FREM3: variants seen among roughly 807,000 people sequenced by gnomAD.
FREM3 encodes FRAS1 related extracellular matrix 3, also known as FRAS1-related extracellular matrix protein 3.
FREM3 carries 105 observed loss-of-function variants against 129.1 expected under a neutral mutation model. The ratio of observed to expected loss-of-function variants is 0.81; its 90% CI spans 0.69 to 0.96. FREM3 has a LOEUF of 0.96. Ranked by LOEUF, FREM3 falls within the 40% of genes least tolerant of loss-of-function variation. FREM3 has a pLI of 0.00. For missense variants in FREM3, 2,593 were observed against 2,666.3 expected (o/e 0.97, Z 0.61); for synonymous variants, 1,014 against 1,044.9 (o/e 0.97, Z 0.57).
At chr4:143,653,217 AGCCCCTGCTG>A (rs1739543082) in intron 2 of FREM3, among the ~76,000 whole-genome samples, 2 of 152,182 alleles carry the variant, frequency 1.3e-5, no homozygotes, top group Admixed American at 6.5e-5. Context: ...ACTTAGCTAG[AGCCCCTGCTG>A]GGGGTCTCAA....
intron 2 of FREM3, among the ~76,000 whole-genome samples, chr4:143,662,402 G>A (rs1457275545): frequency 3.9e-5 from 6 of 152,210 alleles, no homozygotes; most frequent in Non-Finnish European, 7.3e-5. Flanking sequence ...GTGGTTTTGA[G>A]TGAGTTTCTT....
At chr4:143,594,070 G>C (rs370030585) in intron 6 of FREM3, among the ~76,000 whole-genome samples, 1 of 152,174 alleles carries the variant, frequency 6.6e-6, no homozygotes, top group African/African-American at 2.4e-5. Flanking sequence ...TGAGAAGCCC[G>C]TTGGAAAAGT....
intron 2 of FREM3, among the ~76,000 whole-genome samples, chr4:143,664,932 C>G (rs561789148): frequency 6.6e-6 from 1 of 152,258 alleles, no homozygotes; most frequent in African/African-American, 2.4e-5. Context: ...GTTTTTTAAG[C>G]CCGTCGGAAA....
chr4:143,620,697 A>C (rs1266863673), intron 5 of FREM3, among the ~76,000 whole-genome samples: 1 of 152,154 alleles, frequency 6.6e-6, no homozygotes, highest in Non-Finnish European at 1.5e-5. Context: ...TTAATTTATA[A>C]ATTTTTGACT....
chr4:143,673,704 G>A (rs1740049132), intron 2 of FREM3, among the ~76,000 whole-genome samples: 1 of 152,246 alleles, frequency 6.6e-6, no homozygotes, highest in African/African-American at 2.4e-5. Flanking sequence ...AGTCTACAGA[G>A]GCAGGCAGGC....
intron 2 of FREM3, among the ~76,000 whole-genome samples, chr4:143,686,780 G>A (rs959729580): frequency 6.6e-6 from 1 of 152,072 alleles, no homozygotes; most frequent in Non-Finnish European, 1.5e-5. Flanking sequence ...CGAACCGAAC[G>A]ACAATAATAA....
chr4:143,589,952 T>G (rs1738326459), intron 6 of FREM3, among the ~76,000 whole-genome samples: 1 of 152,194 alleles, frequency 6.6e-6, no homozygotes, highest in African/African-American at 2.4e-5. Flanking sequence ...GAAGAGGTCC[T>G]TCACCTCCCT....
At position 143,697,953 on chromosome 4, in the gene FREM3, T is replaced by C. The variant is rs1228762976; in HGVS notation, c.2723A>G (p.Gln908Arg). The change falls in exon 1 of 8, where the codon CAG becomes CGG. Residue 908 changes from glutamine to arginine, a missense_variant. Physicochemically the swap from Gln to Arg is conservative, Grantham distance 43. This residue lies in a region of FREM3 where 2,276 missense variants were observed against 2,267.2 expected (regional missense o/e 1.00). Transcript: ENST00000329798. ...GSVSYQHGRD[Q>R]TTTSDTFHLE... is the part of the protein sequence containing the mutation. ...ATGGAAAGTGTCACTGGTAGTCGTC[T>C]GGTCTCTGCCATGCTGGTAAGAGAC... 1 of 1,537,842 alleles carries C rather than the reference T, an allele frequency of 6.5e-7. No individual in the cohort carries two copies. Among genetic ancestry groups the C allele is most frequent in the Non-Finnish European group, 8.7e-7 (1 of 1,147,040 alleles).
At chr4:143,598,598 G>T (rs973504821) in intron 6 of FREM3, among the ~76,000 whole-genome samples, 2 of 152,094 alleles carry the variant, frequency 1.3e-5, no homozygotes, top group Non-Finnish European at 2.9e-5. Flanking sequence ...GCTCCCAGTT[G>T]TATGTCACTG....
chr4:143,629,036 A>G (rs1560850521), intron 2 of FREM3, among the ~76,000 whole-genome samples: 1 of 152,056 alleles, frequency 6.6e-6, no homozygotes, highest in African/African-American at 2.4e-5. Context: ...GCCAACCACC[A>G]GATTCCCGTG....
At chr4:143,675,031 C>T (rs1740083245) in intron 2 of FREM3, among the ~76,000 whole-genome samples, 1 of 152,132 alleles carries the variant, frequency 6.6e-6, no homozygotes, top group Admixed American at 6.5e-5. Context: ...AGCTCTGCAC[C>T]AAGTGGACCT....
chr4:143,620,666 G>A (rs1738929626), intron 5 of FREM3, among the ~76,000 whole-genome samples: 1 of 152,182 alleles, frequency 6.6e-6, no homozygotes, highest in African/African-American at 2.4e-5. Context: ...AGGCAATGCT[G>A]ACTATTAAAA....
chr4:143,680,963 C>T (rs868740259), intron 2 of FREM3, among the ~76,000 whole-genome samples: 8 of 151,914 alleles, frequency 5.3e-5, no homozygotes, highest in East Asian at 1.9e-4. Flanking sequence ...ATATGGACCA[C>T]GAGGCAAGTC....
Position 143,699,999 on chromosome 4 carries a change from A to T in FREM3, c.677T>A (p.Leu226Ter), listed in dbSNP as rs1438228739. 1 of 1,501,146 alleles carries T rather than the reference A, an allele frequency of 6.7e-7. No homozygotes were observed. The highest frequency in any genetic ancestry group is 8.9e-7 in the Non-Finnish European group (1 of 1,127,100). The allele number at this position is 1,501,146 out of a possible 1,614,324, so 93.0% of individuals were successfully genotyped here. The change falls in exon 1 of 8, where the codon TTG (leucine) becomes TAG (stop). Residue 226 changes from leucine to a stop codon, truncating the protein, a stop_gained. Transcript: ENST00000329798. LOFTEE classifies it high-confidence loss of function. The surrounding 1 kb of genome is among the most constrained non-coding windows in gnomAD (Gnocchi z 4.2). ...GAGAGGGGCCCCCACCGCGTCCACC[A>T]AGCGCCCGTACTTGGGCAGGGGGCC... ...EDGPLPKYGR[L>*]VDAVGAPLPR...
At chr4:143,606,542 G>A (rs1433151959) in intron 6 of FREM3, among the ~76,000 whole-genome samples, 1 of 152,066 alleles carries the variant, frequency 6.6e-6, no homozygotes, top group Non-Finnish European at 1.5e-5. Flanking sequence ...ACTTTAAAAG[G>A]AAGAAAATAT....
chr4:143,688,454 G>A (rs926096581), intron 2 of FREM3, among the ~76,000 whole-genome samples: 3 of 152,098 alleles, frequency 2.0e-5, no homozygotes, highest in Non-Finnish European at 4.4e-5. Context: ...ACTGCCAAAA[G>A]CAATCTACAA....
Position 143,695,679 on chromosome 4 carries a change from C to T in FREM3, c.4997G>A (p.Arg1666Lys). The change falls in exon 1 of 8, where the codon AGG becomes AAG. Residue 1666 changes from arginine (R) to lysine (K), a missense_variant. Physicochemically the swap from Arg to Lys is conservative, Grantham distance 26. Coordinates refer to ENST00000329798, the MANE Select transcript of FREM3 (RefSeq NM_001168235.2). ...DNRLPQITTN[R>K]GAPALKRLHT... ...AAGGCGCTTCAAGGCTGGGGCACCC[C>T]TGTTGGTAGTAATCTGGGGAAGCCT... 2.0e-6 allele frequency: 3 copies of T among 1,537,202 alleles called. No individual in the cohort carries two copies. Among genetic ancestry groups the T allele is most frequent in the Non-Finnish European group, 2.6e-6 (3 of 1,146,912 alleles).
chr4:143,699,981 G>A lies in FREM3; in HGVS notation c.695C>T (p.Ala232Val), dbSNP rs965628997. Residue 232 changes from alanine (A) to valine (V), a missense_variant, in exon 1 of 8, where the codon GCC becomes GTC. Around this residue, in one of 2 missense-constraint regions of FREM3, gnomAD observed 2,276 missense variants for 2,267.2 expected, o/e 1.00. Transcript: ENST00000329798. This position sits in a 1 kb window ranked among gnomAD's most constrained non-coding sequence, Gnocchi z 4.2. ...KYGRLVDAVG[A>V]PLPRGKGVDC... The stretch of plus-strand genomic sequence containing the variant: ...TACGCCCTTGCCCCTGGGGAGAGGG[G>A]CCCCCACCGCGTCCACCAAGCGCCC... 3.3e-5 allele frequency: 50 copies of A among 1,502,122 alleles called. No homozygotes were observed. The highest frequency in any genetic ancestry group is 4.3e-5 in the Non-Finnish European group (49 of 1,127,328). 93.0% of individuals were successfully genotyped at this position (1,502,122 alleles called of 1,614,324 possible).
rs960673882 is a variant in FREM3, at chr4:143,700,263, C to A, written c.413G>T (p.Arg138Leu). The A allele has an allele frequency of 5.2e-6, 8 of 1,536,084 alleles. No homozygotes were observed. The Admixed American group carries it at 1.2e-4, about 23-fold the overall frequency. The stretch of plus-strand genomic sequence containing the variant: ...GTCGTAGCGCAGCTGCAGCAGCACC[C>A]GGGCGCGTCCGGGGCTGTGGGAGCC... ...HFGSHSPGRA[R>L]VLLQLRYDAP... Residue 138 changes from arginine to leucine, a missense_variant, in exon 1 of 8, where the codon CGG (arginine) becomes CTG (leucine). This residue lies in a region of FREM3 where 2,276 missense variants were observed against 2,267.2 expected (regional missense o/e 1.00). Coordinates refer to ENST00000329798, the MANE Select transcript of FREM3 (RefSeq NM_001168235.2).
Sources: allele counts gnomAD v4.1 joint callset (sites outside exome capture counted in the v4.1 genomes callset), GRCh38; gene constraint gnomAD v4.1.1; regional missense constraint gnomAD v4.1.1; non-coding constraint Gnocchi (gnomAD v3.1); transcripts MANE v1.5; gene names NCBI Gene and HGNC (gene_info 2026-07-23, HGNC 2026-07-21).